Variants in DUSP16 observed in about 807,000 individuals in gnomAD.
DUSP16 encodes dual specificity protein phosphatase 16.
Under a neutral mutation model 58.3 loss-of-function variants are expected in DUSP16, and 21 were observed. The observed-to-expected ratio is 0.36, with a 90% CI of 0.26 to 0.52. The LOEUF (loss-of-function observed/expected upper bound fraction) is 0.52. Ranked by LOEUF, DUSP16 falls within the 20% of genes least tolerant of loss-of-function variation. DUSP16 has a pLI of 0.94. For synonymous variants in DUSP16, 320 were observed against 323.8 expected (o/e 0.99, Z 0.12); for missense variants, 726 against 819.0 (o/e 0.89, Z 1.39).
chr12:12,556,377 G>A (rs1034376460), intron 1 of DUSP16, among the ~76,000 whole-genome samples: 1 of 152,042 alleles, frequency 6.6e-6, no homozygotes, highest in African/African-American at 2.4e-5. Flanking sequence ...GGGCAACAAA[G>A]TGAGACCCCC....
chr12:12,517,927 A>C (rs752736476), intron 3 of DUSP16, among the ~76,000 whole-genome samples: 1 of 152,212 alleles, frequency 6.6e-6, no homozygotes, highest in Non-Finnish European at 1.5e-5. Context: ...TGACATAGCT[A>C]ATCAGGCAGT....
intron 1 of DUSP16, among the ~76,000 whole-genome samples, chr12:12,525,701 T>G (rs527895802): frequency 6.6e-6 from 1 of 150,986 alleles, no homozygotes; most frequent in African/African-American, 2.4e-5. Context: ...AGTGAGACCC[T>G]ATCTCTACAA....
intron 4 of DUSP16, among the ~76,000 whole-genome samples, chr12:12,493,025 C>T (rs995211390): frequency 6.6e-6 from 1 of 152,144 alleles, no homozygotes; most frequent in African/African-American, 2.4e-5. Context: ...TATTTTGCCT[C>T]TTAGTAATTA....
At chr12:12,518,874 C>G (rs944170907) in intron 3 of DUSP16, among the ~76,000 whole-genome samples, 1 of 152,172 alleles carries the variant, frequency 6.6e-6, no homozygotes, top group African/African-American at 2.4e-5. Flanking sequence ...TCTTAGAGAA[C>G]TGAGGAAAAG....
intron 1 of DUSP16, among the ~76,000 whole-genome samples, chr12:12,544,472 C>T (rs1944610102): frequency 6.6e-6 from 1 of 152,134 alleles, no homozygotes; most frequent in African/African-American, 2.4e-5. Flanking sequence ...GTTGGGTATA[C>T]ACCTAGGAGT....
chr12:12,533,434 T>C (rs1944420326), intron 1 of DUSP16, among the ~76,000 whole-genome samples: 1 of 152,192 alleles, frequency 6.6e-6, no homozygotes, highest in Admixed American at 6.5e-5. Context: ...GGCGTGGCCT[T>C]CAAGCCCGGA....
intron 1 of DUSP16, among the ~76,000 whole-genome samples, chr12:12,557,395 T>G (rs1211086016): frequency 6.9e-6 from 1 of 145,704 alleles, no homozygotes; most frequent in Non-Finnish European, 1.5e-5. Context: ...AGGCGGAGGC[T>G]GCAGAAAGCC....
intron 3 of DUSP16, among the ~76,000 whole-genome samples, chr12:12,503,968 T>C (rs540520994): frequency 3.9e-4 from 60 of 152,060 alleles, no homozygotes; most frequent in African/African-American, 1.4e-3. Flanking sequence ...CCACAGACAA[T>C]CTCAAAAAAA....
At chr12:12,489,474 C>T (rs924766178) in intron 4 of DUSP16, among the ~76,000 whole-genome samples, 4 of 152,332 alleles carry the variant, frequency 2.6e-5, no homozygotes, top group Admixed American at 2.6e-4. Context: ...CCTTTGAGGA[C>T]TTTCTCACCA....
chr12:12,538,770 C>T (rs1944508238), intron 1 of DUSP16, among the ~76,000 whole-genome samples: 1 of 152,110 alleles, frequency 6.6e-6, no homozygotes, highest in Non-Finnish European at 1.5e-5. Context: ...GGGGGAGGAA[C>T]CCTCGAAGCA....
chr12:12,518,941 AATT>A (rs1009647627), intron 3 of DUSP16, among the ~76,000 whole-genome samples: 1 of 152,228 alleles, frequency 6.6e-6, no homozygotes, highest in Non-Finnish European at 1.5e-5. Flanking sequence ...CAGAGTTTAA[AATT>A]ATTAACACAC....
At chr12:12,550,486 G>A (rs1448256225) in intron 1 of DUSP16, among the ~76,000 whole-genome samples, 2 of 152,158 alleles carry the variant, frequency 1.3e-5, no homozygotes, top group African/African-American at 2.4e-5. Flanking sequence ...AGGATGCACG[G>A]TATGTGGTGA....
At chr12:12,503,673 T>G (rs1943945636) in intron 3 of DUSP16, among the ~76,000 whole-genome samples, 1 of 152,182 alleles carries the variant, frequency 6.6e-6, no homozygotes, top group Non-Finnish European at 1.5e-5. Context: ...TGCAAGAAGC[T>G]GACAGACAGG....
In DUSP16 at chr12:12,477,245, G is replaced by T; in HGVS notation, c.1586C>A (p.Thr529Lys). The stretch of plus-strand genomic sequence containing the variant: ...CTTAAGGCCCAGGCCAGCAGACTTC[G>T]TGAGGTGCTGCTGGCTGGTGGAAAG... Reference protein sequence around the residue: ...FGLSTSQQHLTKSAGLGLKGW... With the variant: ...FGLSTSQQHLKKSAGLGLKGW... The change falls in exon 7 of 7, where the codon ACG (threonine) becomes AAG (lysine). Residue 529 changes from threonine (T) to lysine (K), a missense_variant. Thr to Lys is a moderately conservative substitution (Grantham distance 78). Transcript: ENST00000298573. The surrounding 1 kb of genome is among the most constrained non-coding windows in gnomAD (Gnocchi z 4.1). 1 of 1,614,248 alleles carries T rather than the reference G, an allele frequency of 6.2e-7. No individual in the cohort carries two copies. Among genetic ancestry groups the T allele is most frequent in the Non-Finnish European group, 8.5e-7 (1 of 1,180,044 alleles).
chr12:12,535,433 C>A (rs531539016), intron 1 of DUSP16, among the ~76,000 whole-genome samples: 7 of 151,820 alleles, frequency 4.6e-5, no homozygotes, highest in African/African-American at 1.7e-4. Flanking sequence ...TTTATTTTTT[C>A]TTTTTTAAGA....
At chr12:12,532,164 CA>C (rs59100809) in intron 1 of DUSP16, among the ~76,000 whole-genome samples, 3 of 140,178 alleles carry the variant, frequency 2.1e-5, no homozygotes, top group South Asian at 2.3e-4. Flanking sequence ...GACTCCGTCT[CA>C]AAAAAAAAAC....
chr12:12,493,516 T>C (rs749730727), intron 4 of DUSP16, among the ~76,000 whole-genome samples: 9 of 152,164 alleles, frequency 5.9e-5, no homozygotes, highest in Non-Finnish European at 1.2e-4. Context: ...TCTGAACTCT[T>C]TTTCTCAGAG....
At chr12:12,495,352 C>A (rs1030191425) in intron 4 of DUSP16, among the ~76,000 whole-genome samples, 1 of 151,834 alleles carries the variant, frequency 6.6e-6, no homozygotes, top group Non-Finnish European at 1.5e-5. Context: ...CGAGGTTCAT[C>A]TGCAAAGTGA....
At chr12:12,519,809 C>T in intron 3 of DUSP16, 53 bp downstream of exon 3, 1 of 1,595,154 alleles carries the variant, frequency 6.3e-7, no homozygotes. Flanking sequence ...AATATGCTTA[C>T]TCATACAGCT....
Sources: allele counts gnomAD v4.1 joint callset (sites outside exome capture counted in the v4.1 genomes callset), GRCh38; gene constraint gnomAD v4.1.1; non-coding constraint Gnocchi (gnomAD v3.1); transcripts MANE v1.5; gene names NCBI Gene and HGNC (gene_info 2026-07-23, HGNC 2026-07-21).